Variants in CDH22 observed in about 807,000 individuals in gnomAD.
CDH22 encodes cadherin 22, also known as cadherin-22.
Under a neutral mutation model 58.4 loss-of-function variants are expected in CDH22, and 30 were observed. The observed-to-expected ratio is 0.51, with a 90% CI of 0.38 to 0.70. The LOEUF (loss-of-function observed/expected upper bound fraction) is 0.70. CDH22 is among the 30% of genes least tolerant of loss of function. CDH22 has a pLI of 0.00. For synonymous variants in CDH22, 513 were observed against 558.2 expected (o/e 0.92, Z 1.14); for missense variants, 1,014 against 1,233.9 (o/e 0.82, Z 2.67).
At chr20:46,299,342 C>T (rs1310465348) in intron 1 of CDH22, among the ~76,000 whole-genome samples, 6 of 152,242 alleles carry the variant, frequency 3.9e-5, no homozygotes, top group Non-Finnish European at 7.3e-5. Context: ...CACGAAGCCT[C>T]CCCCAGTGCC....
At chr20:46,306,110 G>T (rs984108991) in intron 1 of CDH22, among the ~76,000 whole-genome samples, 1 of 152,236 alleles carries the variant, frequency 6.6e-6, no homozygotes, top group Non-Finnish European at 1.5e-5. Context: ...GCTTTCCTCC[G>T]GCACTGGCCT....
At chr20:46,247,018 T>TGGGGG (rs2086334524) in intron 2 of CDH22, among the ~76,000 whole-genome samples, 1 of 46,808 alleles carries the variant, frequency 2.1e-5, no homozygotes, top group African/African-American at 9.0e-5. Flanking sequence ...TTCCTAGGGT[T>TGGGGG]GGGGGGTGGG....
At chr20:46,183,662 C>T (rs1041716797) in intron 10 of CDH22, among the ~76,000 whole-genome samples, 23 of 152,136 alleles carry the variant, frequency 1.5e-4, no homozygotes, top group African/African-American at 4.8e-4. Context: ...AAACTCCTTG[C>T]CTCAAGGGAT....
chr20:46,195,862 C>A (rs1040479883), intron 8 of CDH22, among the ~76,000 whole-genome samples: 1 of 152,146 alleles, frequency 6.6e-6, no homozygotes, highest in Non-Finnish European at 1.5e-5. Context: ...GTATGACAGG[C>A]GGTGGCTCCT....
In CDH22 at chr20:46,216,980, C is replaced by T. The variant is rs748854677; in HGVS notation, c.684G>A (p.Thr228=). 1.4e-5 allele frequency: 22 copies of T among 1,595,832 alleles called. No homozygotes were observed. In the Admixed American group the frequency reaches 2.5e-4, roughly 18 times the overall value. The change falls in exon 5 of 12, where the codon ACG becomes ACA. Residue 228 remains threonine, a synonymous_variant. Transcript: ENST00000537909. The surrounding 1 kb of genome is among the most constrained non-coding windows in gnomAD (Gnocchi z 5.3). ...TCTCGCGGTCAAGGTCAGGCACAGC[C>T]GTCCGGATTACGCCTGTGGGTGAGT... ...TVDPKTGVIR[T]AVPDLDRESQ...
intron 4 of CDH22, among the ~76,000 whole-genome samples, chr20:46,220,082 G>T: frequency 6.6e-6 from 1 of 151,624 alleles, no homozygotes; most frequent in Non-Finnish European, 1.5e-5. Context: ...CCTAGTGAGA[G>T]ACAGGAGGAA....
chr20:46,271,459 T>C (rs1247307045), intron 1 of CDH22, among the ~76,000 whole-genome samples: 1 of 152,046 alleles, frequency 6.6e-6, no homozygotes, highest in Non-Finnish European at 1.5e-5. Context: ...ACCAAGCACA[T>C]ACCTCCCTAT....
chr20:46,296,217 T>C (rs1012688337), intron 1 of CDH22, among the ~76,000 whole-genome samples: 1 of 152,200 alleles, frequency 6.6e-6, no homozygotes, highest in Non-Finnish European at 1.5e-5. Flanking sequence ...TGTAGATCAG[T>C]GCTGGTTCTC....
intron 8 of CDH22, among the ~76,000 whole-genome samples, chr20:46,191,405 CA>C (rs1349714760): frequency 1.3e-5 from 2 of 152,022 alleles, no homozygotes; most frequent in Non-Finnish European, 2.9e-5. Flanking sequence ...ACATCTGGAC[CA>C]ACCTGAGTGG....
chr20:46,195,313 A>G (rs1348837233), intron 8 of CDH22, among the ~76,000 whole-genome samples: 3 of 152,224 alleles, frequency 2.0e-5, no homozygotes, highest in Non-Finnish European at 4.4e-5. Context: ...CCCTGCCCTC[A>G]TGGAAGGTAC....
intron 1 of CDH22, among the ~76,000 whole-genome samples, chr20:46,306,516 A>T (rs1041713368): frequency 5.9e-5 from 9 of 152,236 alleles, no homozygotes; most frequent in Non-Finnish European, 1.2e-4. Context: ...AGGCACTGGC[A>T]GTGGTGGACC....
At chr20:46,205,353 T>C (rs890908720) in intron 7 of CDH22, among the ~76,000 whole-genome samples, 3 of 152,148 alleles carry the variant, frequency 2.0e-5, no homozygotes, top group Admixed American at 2.0e-4. Flanking sequence ...AGACATTTAA[T>C]ACCTATGAAT....
At position 46,283,885 on chromosome 20, in the gene CDH22, A is replaced by G. The variant is rs192944908; in HGVS notation, c.-400+24370T>C. 1.6e-3 allele frequency among the ~76,000 whole-genome samples: 249 copies of G among 152,204 alleles called. 1 individual carries two copies. Among genetic ancestry groups the G allele is most frequent in the Middle Eastern group, 0.014 (4 of 294 alleles). On this transcript the variant is annotated intron_variant, in intron 1 of 11. Coordinates refer to ENST00000537909, the MANE Select transcript of CDH22 (RefSeq NM_021248.3). The stretch of plus-strand genomic sequence containing the variant: ...CCGTGAGCCAAAGCAGGAGCGGAGG[A>G]TCCCACCACAGCCAAATGTTGCCTG...
At chr20:46,290,008 C>A (rs993704657) in intron 1 of CDH22, among the ~76,000 whole-genome samples, 1 of 152,158 alleles carries the variant, frequency 6.6e-6, no homozygotes, top group Non-Finnish European at 1.5e-5. Flanking sequence ...GTTTGGAAAA[C>A]AGGTTGAAGC....
intron 3 of CDH22, among the ~76,000 whole-genome samples, chr20:46,232,028 C>G (rs1310759690): frequency 1.3e-5 from 2 of 152,176 alleles, no homozygotes; most frequent in Non-Finnish European, 2.9e-5. Flanking sequence ...GCTGTGCCTC[C>G]CTGAGTAGAA....
intron 1 of CDH22, among the ~76,000 whole-genome samples, chr20:46,299,087 T>A (rs547522816): frequency 6.6e-6 from 1 of 152,350 alleles, no homozygotes; most frequent in South Asian, 2.1e-4. Flanking sequence ...AATAGCTTCC[T>A]ACTGCTTACA....
At chr20:46,267,032 T>C (rs2086464202) in intron 1 of CDH22, among the ~76,000 whole-genome samples, 1 of 151,934 alleles carries the variant, frequency 6.6e-6, no homozygotes, top group African/African-American at 2.4e-5. Flanking sequence ...CTAAGCACAC[T>C]CCATAGGTTA....
At chr20:46,220,290 GAGAA>G (rs1451456435) in intron 4 of CDH22, 1 of 152,016 alleles carries the variant, frequency 6.6e-6, no homozygotes, top group Non-Finnish European at 1.5e-5. Context: ...CAAAGAGGAA[GAGAA>G]AGAAAGGAGG....
At chr20:46,237,807 TCA>T in intron 3 of CDH22, among the ~76,000 whole-genome samples, 1 of 152,194 alleles carries the variant, frequency 6.6e-6, no homozygotes, top group East Asian at 1.9e-4. Flanking sequence ...TCTCTTGGTC[TCA>T]GTTTCCCCAC....
Sources: allele counts gnomAD v4.1 joint callset (sites outside exome capture counted in the v4.1 genomes callset), GRCh38; gene constraint gnomAD v4.1.1; non-coding constraint Gnocchi (gnomAD v3.1); transcripts MANE v1.5; gene names NCBI Gene and HGNC (gene_info 2026-07-23, HGNC 2026-07-21).